CCDC198: variants seen among roughly 807,000 people sequenced by gnomAD.
The protein encoded by CCDC198 is factor associated with metabolism and energy.
Under a neutral mutation model 35.6 loss-of-function variants are expected in CCDC198, and 18 were observed. That is an observed-to-expected ratio of 0.51 (90% confidence interval 0.35 to 0.75). The LOEUF (loss-of-function observed/expected upper bound fraction) is 0.75. Among genes scored for constraint, CCDC198 ranks in the 30% least tolerant of loss-of-function variants. The probability of loss-of-function intolerance (pLI) is 0.01; values close to 1 mark genes in which losing one functional copy is unlikely to be tolerated. For missense variants in CCDC198, 365 were observed against 343.7 expected, an observed-to-expected ratio of 1.06 and a Z score of -0.49; for synonymous variants, 119 against 113.4, an observed-to-expected ratio of 1.05 and a Z score of -0.31.
At chr14:57,477,124 A>G (rs1039812931) in intron 5 of CCDC198, among the ~76,000 whole-genome samples, 1 of 152,224 alleles carries the variant, frequency 6.6e-6, no homozygotes, top group African/African-American at 2.4e-5. Context: ...TAGAGTTAAT[A>G]TGAAGATTAA....
chr14:57,490,122 C>T (rs959656669), intron 2 of CCDC198, among the ~76,000 whole-genome samples: 1 of 152,176 alleles, frequency 6.6e-6, no homozygotes, highest in African/African-American at 2.4e-5. Flanking sequence ...CAAATGAGCT[C>T]CAGTACCCCT....
rs374950531 is a variant in CCDC198, at chr14:57,475,645, T to G, written c.656-4055A>C. The G allele has an allele frequency of 1.5e-5, 6 of 406,738 alleles. No individual in the cohort carries two copies. The East Asian group carries it at 4.3e-4, about 29-fold the overall frequency. The allele number at this position is 406,738 out of a possible 1,614,324, so 25.2% of individuals were successfully genotyped here. A position where few individuals can be genotyped will look rare whatever the true frequency, so the allele number is the denominator to read the frequency against. ...TCATTTGAACTTGGGAGGCGAAGTT[T>G]GCGGTGAGCCGAGATCATGCCATTG... On this transcript the variant is annotated intron_variant, in intron 5 of 5. Transcript: ENST00000216445.
chr14:57,485,888 A>T (rs565612349), intron 2 of CCDC198, among the ~76,000 whole-genome samples: 8 of 152,316 alleles, frequency 5.3e-5, no homozygotes, highest in Admixed American at 5.2e-4. Context: ...GTCTTTTAAC[A>T]TAACTTAGCA....
intron 5 of CCDC198, among the ~76,000 whole-genome samples, chr14:57,472,232 A>G (rs887789160): frequency 3.9e-5 from 6 of 152,024 alleles, no homozygotes; most frequent in African/African-American, 1.4e-4. Context: ...TAATTCAAGA[A>G]TACTCTTCTA....
chr14:57,479,126 G>A (rs773982075), intron 5 of CCDC198: 21 of 904,212 alleles, frequency 2.3e-5, no homozygotes, highest in Middle Eastern at 2.6e-4. Context: ...AGCATAGAGC[G>A]ATCTGAGAGC....
chr14:57,475,756 A>C, intron 5 of CCDC198: 1 of 370,260 alleles, frequency 2.7e-6, no homozygotes, highest in East Asian at 1.1e-4. Context: ...AGTTTTGTCT[A>C]TATTCCCATA....
At chr14:57,491,551 G>A (rs554874624) in intron 1 of CCDC198, among the ~76,000 whole-genome samples, 17 of 152,194 alleles carry the variant, frequency 1.1e-4, no homozygotes, top group Middle Eastern at 3.4e-3. Flanking sequence ...AATGGAGTAC[G>A]TGTGAACACA....
chr14:57,473,305 G>A (rs1338767989), intron 5 of CCDC198, among the ~76,000 whole-genome samples: 1 of 152,158 alleles, frequency 6.6e-6, no homozygotes, highest in Non-Finnish European at 1.5e-5. Context: ...AAGCTACAAA[G>A]GACGTTTTTG....
At chr14:57,484,228 G>C (rs1229833227) in intron 2 of CCDC198, among the ~76,000 whole-genome samples, 1 of 152,200 alleles carries the variant, frequency 6.6e-6, no homozygotes, top group Non-Finnish European at 1.5e-5. Flanking sequence ...AATTAGTTAA[G>C]ATGAAGTCAT....
intron 2 of CCDC198, among the ~76,000 whole-genome samples, chr14:57,490,245 A>T (rs1212206382): frequency 6.6e-6 from 1 of 152,098 alleles, no homozygotes; most frequent in East Asian, 1.9e-4. Flanking sequence ...AATGATGCTC[A>T]TTTTCAAGGA....
chr14:57,492,179 A>G (rs1313811432), intron 1 of CCDC198, among the ~76,000 whole-genome samples: 1 of 151,980 alleles, frequency 6.6e-6, no homozygotes, highest in East Asian at 1.9e-4. Flanking sequence ...CCTGATTACA[A>G]GTGAAAAAAA....
intron 5 of CCDC198, among the ~76,000 whole-genome samples, chr14:57,476,394 C>G (rs1486732715): frequency 6.6e-6 from 1 of 152,134 alleles, no homozygotes; most frequent in Non-Finnish European, 1.5e-5. Context: ...ACTACTGGGA[C>G]TCAGGGAAGG....
chr14:57,488,365 C>T (rs1327616857), intron 2 of CCDC198, among the ~76,000 whole-genome samples: 1 of 152,120 alleles, frequency 6.6e-6, no homozygotes, highest in African/African-American at 2.4e-5. Context: ...GTCAATGAGA[C>T]TTCTAATACA....
chr14:57,480,186 C>T, intron 5 of CCDC198: 1 of 723,680 alleles, frequency 1.4e-6, no homozygotes, highest in Non-Finnish European at 1.7e-6. Flanking sequence ...GAAAAGGGTG[C>T]AGTCAGGAAG....
At chr14:57,479,773 T>C (rs960649619) in intron 5 of CCDC198, among the ~76,000 whole-genome samples, 6 of 152,076 alleles carry the variant, frequency 3.9e-5, no homozygotes, top group African/African-American at 1.4e-4. Context: ...ACCCCTGCAG[T>C]TTTTGATTCA....
rs764950635 is a variant in CCDC198, at chr14:57,491,057, A to G, written c.238T>C (p.Tyr80His). 6 of 1,611,362 alleles carry G rather than the reference A, an allele frequency of 3.7e-6. No homozygotes were observed. In the East Asian group the frequency reaches 8.9e-5, roughly 24 times the overall value. The change falls in exon 2 of 6, where the codon TAT becomes CAT. Residue 80 changes from tyrosine to histidine, a missense_variant. Coordinates refer to ENST00000216445, the MANE Select transcript of CCDC198 (RefSeq NM_018168.4). ...GRYSTASRDM[Y>H]FDIPLEHRET... ...CTGTGTTCCAGTGGGATGTCAAAAT[A>G]CATGTCTCTGGATGCTTGAAGGATT...
At position 57,486,160 on chromosome 14, in the gene CCDC198, A is replaced by G. The variant is rs531782834; in HGVS notation, c.307-3009T>C. Reference sequence around the variant, plus strand: ...TTTCTGGAAGCTGGGGAGAACAAATATTTGTGCCATCCTCTGGACATGGAG... The same window carrying G: ...TTTCTGGAAGCTGGGGAGAACAAATGTTTGTGCCATCCTCTGGACATGGAG... On this transcript the variant is annotated intron_variant, in intron 2 of 5. Transcript: ENST00000216445. Among the ~76,000 whole-genome samples, 4 of 152,230 alleles carry G rather than the reference A, an allele frequency of 2.6e-5. 1 individual carries two copies. The highest frequency in any genetic ancestry group is 9.6e-5 in the African/African-American group (4 of 41,562).
chr14:57,493,380 T>TGAAA, intron 1 of CCDC198, 113 bp downstream of exon 1: 3 of 915,702 alleles, frequency 3.3e-6, no homozygotes, highest in Non-Finnish European at 3.4e-6. Flanking sequence ...CCTAAATTCC[T>TGAAA]TTACATTTCA....
chr14:57,478,649 G>T, intron 5 of CCDC198: 1 of 995,130 alleles, frequency 1.0e-6, no homozygotes, highest in South Asian at 4.5e-5. Context: ...TTTAGGTGAG[G>T]TTTTTTTCTT....
Sources: allele counts gnomAD v4.1 joint callset (sites outside exome capture counted in the v4.1 genomes callset), GRCh38; gene constraint gnomAD v4.1.1; transcripts MANE v1.5; gene names NCBI Gene and HGNC (gene_info 2026-07-23, HGNC 2026-07-21).